Variants in TMEM71 observed in about 807,000 individuals in gnomAD.
TMEM71 encodes the protein transmembrane protein 71.
Under a neutral mutation model 38.0 loss-of-function variants are expected in TMEM71, and 44 were observed. That is an observed-to-expected ratio of 1.16 (90% CI 0.91 to 1.49). TMEM71 has a LOEUF of 1.49. Among genes scored for constraint, TMEM71 ranks in the 40% most tolerant of loss-of-function variants. TMEM71 has a pLI of 0.00. For missense variants in TMEM71, 367 were observed against 348.6 expected (o/e 1.05, Z -0.42); for synonymous variants, 133 against 122.5 (o/e 1.09, Z -0.56).
At chr8:132,739,161 C>T (rs1327689753) in intron 5 of TMEM71, among the ~76,000 whole-genome samples, 3 of 152,180 alleles carry the variant, frequency 2.0e-5, no homozygotes, top group African/African-American at 7.2e-5. Flanking sequence ...TTGCATTATA[C>T]GACTCCTCTA....
intron 5 of TMEM71, among the ~76,000 whole-genome samples, chr8:132,730,036 GCAACTT>G (rs1401422005): frequency 6.6e-6 from 1 of 151,764 alleles, no homozygotes; most frequent in African/African-American, 2.4e-5. Context: ...TCAGCTCACA[GCAACTT>G]CCACCTCCTG....
chr8:132,751,245 C>A (rs910062271), intron 4 of TMEM71, among the ~76,000 whole-genome samples: 1 of 152,156 alleles, frequency 6.6e-6, no homozygotes, highest in Non-Finnish European at 1.5e-5. Flanking sequence ...TTATTCCTAC[C>A]AAACTATTTG....
chr8:132,723,637 TC>T (rs1314484569), intron 6 of TMEM71, among the ~76,000 whole-genome samples: 2 of 152,138 alleles, frequency 1.3e-5, no homozygotes, highest in Admixed American at 1.3e-4. Context: ...TTCTCAATAT[TC>T]CCCCACTAAA....
chr8:132,737,117 CGAGT>C (rs776262545), intron 5 of TMEM71, among the ~76,000 whole-genome samples: 103 of 152,140 alleles, frequency 6.8e-4, no homozygotes, highest in Admixed American at 1.6e-3. Flanking sequence ...GGAGTGACTG[CGAGT>C]GAGTATCAGG....
At chr8:132,773,933 C>T in the TMEM71 span, among the ~76,000 whole-genome samples, 10 of 151,928 alleles carry the variant, frequency 6.6e-5, no homozygotes, top group African/African-American at 2.4e-4. Flanking sequence ...TATTTTTTTC[C>T]TTATACAACA....
intron 3 of TMEM71, among the ~76,000 whole-genome samples, chr8:132,753,435 T>C (rs967687228): frequency 1.3e-5 from 2 of 152,182 alleles, no homozygotes; most frequent in African/African-American, 4.8e-5. Flanking sequence ...ATTGGGACCA[T>C]ATGCTTCCAG....
the TMEM71 span, chr8:132,775,609 G>A: frequency 2.9e-6 from 1 of 345,666 alleles, no homozygotes; most frequent in Non-Finnish European, 5.2e-6. Context: ...CTCGGCCCCG[G>A]ACGGCCCGGC....
chr8:132,752,411 C>A (rs1232311999), intron 3 of TMEM71, among the ~76,000 whole-genome samples: 3 of 152,126 alleles, frequency 2.0e-5, no homozygotes, highest in African/African-American at 4.8e-5. Context: ...TATGTAGCCA[C>A]CAGAAACACG....
At chr8:132,765,996 C>G in the TMEM71 span, among the ~76,000 whole-genome samples, 1 of 151,940 alleles carries the variant, frequency 6.6e-6, no homozygotes, top group Admixed American at 6.6e-5. Context: ...GTTGGCCAGG[C>G]TTGTCTTCAT....
At position 132,746,488 on chromosome 8, in the gene TMEM71, C is replaced by CATATATATACATATATATATACAT. The variant is rs1371596715; in HGVS notation, c.487+453_487+454insATGTATATATATATGTATATATAT. On this transcript the variant is annotated intron_variant, in intron 5 of 9. Transcript: ENST00000677595. ...ACATATATATATACATATATATATA[C>CATATATATACATATATATATACAT]ATATATATACATATATATGTATATA... Among the ~76,000 whole-genome samples, 5 of 54,312 alleles carry CATATATATACATATATATATACAT rather than the reference C, an allele frequency of 9.2e-5. No homozygotes were observed. The East Asian group carries it at 1.2e-3, about 13-fold the overall frequency. 35.6% of individuals were successfully genotyped at this position (54,312 alleles called of 152,430 possible). A position where few individuals can be genotyped will look rare whatever the true frequency, so the allele number is the denominator to read the frequency against.
chr8:132,741,816 G>A (rs967765589), intron 5 of TMEM71, among the ~76,000 whole-genome samples: 6 of 152,216 alleles, frequency 3.9e-5, no homozygotes, highest in Admixed American at 3.3e-4. Context: ...GAGCCTGACT[G>A]ATGTCAGGCC....
chr8:132,772,937 A>G, the TMEM71 span, among the ~76,000 whole-genome samples: 1 of 152,006 alleles, frequency 6.6e-6, no homozygotes, highest in African/African-American at 2.4e-5. Context: ...AATGAGATAG[A>G]CTCTTGATAA....
At chr8:132,738,990 G>A (rs1436976817) in intron 5 of TMEM71, among the ~76,000 whole-genome samples, 1 of 151,914 alleles carries the variant, frequency 6.6e-6, no homozygotes, top group African/African-American at 2.4e-5. Context: ...GGCAAAGCTG[G>A]GTGAAGCATA....
the TMEM71 span, among the ~76,000 whole-genome samples, chr8:132,772,730 T>C: frequency 0.02 from 3,105 of 152,242 alleles, 106 homozygotes; most frequent in African/African-American, 0.072. Flanking sequence ...ATGAAAATAA[T>C]TCATAAAAAT....
chr8:132,761,565 C>T (rs961092087), upstream of TMEM71, among the ~76,000 whole-genome samples: 1 of 152,208 alleles, frequency 6.6e-6, no homozygotes, highest in African/African-American at 2.4e-5. Context: ...ATGGCAGGAT[C>T]TTCTGTAGAA....
Position 132,724,424 on chromosome 8 carries a change from G to T in TMEM71, c.677-2309C>A, listed in dbSNP as rs146238796. 8.7e-4 allele frequency among the ~76,000 whole-genome samples: 132 copies of T among 152,202 alleles called. 1 individual carries two copies. The East Asian group carries it at 0.024, about 27-fold the overall frequency. Reference sequence around the variant, plus strand: ...ATATTAATATTCCTTGCTAGGAAAAGAATTTAGCGATGTCTCTCCTACTTG... The same window carrying T: ...ATATTAATATTCCTTGCTAGGAAAATAATTTAGCGATGTCTCTCCTACTTG... On this transcript the variant is annotated intron_variant, in intron 6 of 9. Transcript: ENST00000677595.
intron 7 of TMEM71, among the ~76,000 whole-genome samples, chr8:132,715,639 T>C (rs1384323345): frequency 1.3e-5 from 2 of 152,090 alleles, no homozygotes; most frequent in Non-Finnish European, 2.9e-5. Context: ...TGATTCTTTG[T>C]AGAAGCTTTA....
upstream of TMEM71, among the ~76,000 whole-genome samples, chr8:132,763,953 C>T (rs2131227197): frequency 6.6e-6 from 1 of 152,316 alleles, no homozygotes; most frequent in Middle Eastern, 3.4e-3. Flanking sequence ...ACAAACATGT[C>T]TGCATGCTTC....
chr8:132,749,033 G>A (rs1272512276), intron 4 of TMEM71, among the ~76,000 whole-genome samples: 1 of 152,218 alleles, frequency 6.6e-6, no homozygotes, highest in Non-Finnish European at 1.5e-5. Context: ...AGTTGAGATA[G>A]TCCCTAGCAC....
Sources: allele counts gnomAD v4.1 joint callset (sites outside exome capture counted in the v4.1 genomes callset), GRCh38; gene constraint gnomAD v4.1.1; transcripts MANE v1.5; gene names NCBI Gene and HGNC (gene_info 2026-07-23, HGNC 2026-07-21).